Variants in IRF2 observed in about 807,000 individuals in gnomAD.
IRF2 encodes interferon regulatory factor 2.
IRF2 carries 15 observed loss-of-function variants against 40.6 expected under a neutral mutation model. That is an observed-to-expected ratio of 0.37 (90% confidence interval 0.25 to 0.57). The LOEUF (loss-of-function observed/expected upper bound fraction) is 0.57. Ranked by LOEUF, IRF2 falls within the 20% of genes least tolerant of loss-of-function variation. IRF2 has a pLI of 0.77. For synonymous variants in IRF2, 151 were observed against 165.5 expected, an observed-to-expected ratio of 0.91 and a Z score of 0.67; for missense variants, 317 against 455.7, an observed-to-expected ratio of 0.70 and a Z score of 2.77.
intron 1 of IRF2, among the ~76,000 whole-genome samples, chr4:184,445,217 G>C (rs1738462036): frequency 1.3e-5 from 2 of 152,216 alleles, no homozygotes; most frequent in African/African-American, 4.8e-5. Flanking sequence ...CCCAACCCCG[G>C]GTTGGCACAG....
intron 1 of IRF2, among the ~76,000 whole-genome samples, chr4:184,440,404 C>T (rs759279796): frequency 1.3e-5 from 2 of 152,214 alleles, no homozygotes; most frequent in Non-Finnish European, 2.9e-5. Flanking sequence ...ACTACGTAGG[C>T]TTATATATTA....
At chr4:184,437,868 G>A (rs2553537) in intron 1 of IRF2, among the ~76,000 whole-genome samples, 7,099 of 151,000 alleles carry the variant, frequency 0.047, 568 homozygotes, top group African/African-American at 0.16. Context: ...ACGATGACAC[G>A]CGTATAGGAA....
rs947091775 is a variant in IRF2 at position 184,397,686 on chromosome 4, G to A, written c.694+1229C>T. On this transcript the variant is annotated intron_variant, in intron 7 of 8. Transcript: ENST00000393593. ...ACTGGAGGACATCCCATTTGGCAGC[G>A]TGTAAAGAGCACAGGGAAGAATCCC... 2.6e-5 allele frequency among the ~76,000 whole-genome samples: 4 copies of A among 152,318 alleles called. No individual in the cohort carries two copies. The South Asian group carries it at 6.2e-4, about 24-fold the overall frequency.
intron 2 of IRF2, among the ~76,000 whole-genome samples, chr4:184,425,509 G>A (rs909769366): frequency 2.0e-5 from 3 of 152,232 alleles, no homozygotes; most frequent in Admixed American, 6.5e-5. Flanking sequence ...TGCAGGCCTC[G>A]GCCTCTGTTC....
At chr4:184,434,859 C>T (rs1738021554) in intron 1 of IRF2, among the ~76,000 whole-genome samples, 1 of 152,212 alleles carries the variant, frequency 6.6e-6, no homozygotes, top group African/African-American at 2.4e-5. Context: ...TTACCATTTA[C>T]AGAGCACCTA....
At chr4:184,429,610 C>G (rs901755970) in intron 1 of IRF2, among the ~76,000 whole-genome samples, 2 of 152,218 alleles carry the variant, frequency 1.3e-5, no homozygotes, top group African/African-American at 2.4e-5. Context: ...TTTCCACCAA[C>G]TACCCGTCCC....
intron 1 of IRF2, among the ~76,000 whole-genome samples, chr4:184,458,783 G>A (rs1051485545): frequency 2.0e-5 from 3 of 152,082 alleles, no homozygotes; most frequent in African/African-American, 2.4e-5. Flanking sequence ...AAAAATTTCC[G>A]CAGGACATAA....
intron 1 of IRF2, among the ~76,000 whole-genome samples, chr4:184,458,152 C>T (rs1348950092): frequency 1.3e-5 from 2 of 152,204 alleles, no homozygotes; most frequent in Non-Finnish European, 2.9e-5. Flanking sequence ...TGGTGAGGCA[C>T]GCCCCAGTTT....
intron 5 of IRF2, among the ~76,000 whole-genome samples, chr4:184,410,391 C>T (rs553718018): frequency 6.6e-6 from 1 of 152,332 alleles, no homozygotes; most frequent in South Asian, 2.1e-4. Context: ...ATCCAATGGC[C>T]TTTTCTCAAA....
chr4:184,395,643 C>A (rs7683939), intron 7 of IRF2, among the ~76,000 whole-genome samples: 1 of 152,300 alleles, frequency 6.6e-6, no homozygotes, highest in African/African-American at 2.4e-5. Context: ...ATGTTTTACA[C>A]CACTGTGAGC....
chr4:184,421,997 A>G (rs1324264329), intron 2 of IRF2, among the ~76,000 whole-genome samples: 1 of 152,096 alleles, frequency 6.6e-6, no homozygotes, highest in African/African-American at 2.4e-5. Flanking sequence ...TCTCGTGGTA[A>G]TGAGTAAGCT....
intron 5 of IRF2, among the ~76,000 whole-genome samples, chr4:184,417,891 T>C (rs1172465756): frequency 2.6e-5 from 4 of 152,224 alleles, no homozygotes; most frequent in Non-Finnish European, 4.4e-5. Context: ...TGGCAACGGC[T>C]GTGGTGGCCA....
chr4:184,409,925 C>G (rs1036040379), intron 5 of IRF2, among the ~76,000 whole-genome samples: 1 of 151,976 alleles, frequency 6.6e-6, no homozygotes, highest in African/African-American at 2.4e-5. Flanking sequence ...AAAGTCTGCC[C>G]CTTCTGAAAA....
At chr4:184,420,664 G>A (rs1737451116) in intron 2 of IRF2, among the ~76,000 whole-genome samples, 1 of 152,124 alleles carries the variant, frequency 6.6e-6, no homozygotes, top group Non-Finnish European at 1.5e-5. Context: ...TACAGATGAG[G>A]AACCTGGCCC....
rs916526101 is a variant in IRF2 at position 184,441,726 on chromosome 4, G to A, written c.-6-12656C>T. Among the ~76,000 whole-genome samples, 7 of 152,180 alleles carry A rather than the reference G, an allele frequency of 4.6e-5. No homozygotes were observed. In the South Asian group the frequency reaches 1.4e-3, roughly 31 times the overall value. The stretch of plus-strand genomic sequence containing the variant: ...TAACAATAGCTAAGGAGTATTAAGC[G>A]CTTAGCAGTGTTAGGCAAGTTCTAA... On this transcript the variant is annotated intron_variant, in intron 1 of 8. Transcript: ENST00000393593.
chr4:184,394,276 A>G (rs1736365973), intron 7 of IRF2, among the ~76,000 whole-genome samples: 1 of 152,174 alleles, frequency 6.6e-6, no homozygotes. Flanking sequence ...CTAGGGTGAC[A>G]CTGGTTGTAG....
At chr4:184,433,999 A>C (rs1579083029) in intron 1 of IRF2, among the ~76,000 whole-genome samples, 2 of 152,372 alleles carry the variant, frequency 1.3e-5, no homozygotes, top group Admixed American at 1.3e-4. Context: ...GGAGATTAAA[A>C]GACTGAGATG....
intron 1 of IRF2, among the ~76,000 whole-genome samples, chr4:184,453,728 C>T (rs772715698): frequency 1.3e-5 from 2 of 152,194 alleles, no homozygotes; most frequent in Non-Finnish European, 2.9e-5. Flanking sequence ...ATAACTGAGC[C>T]ATGCTGGCTT....
At chr4:184,419,313 G>GT (rs796602732) in intron 3 of IRF2, among the ~76,000 whole-genome samples, 156 bp downstream of exon 3, 21 of 152,260 alleles carry the variant, frequency 1.4e-4, no homozygotes, top group African/African-American at 5.1e-4. Context: ...GAGGGCTGCA[G>GT]TTTGTACCCC....
Sources: gnomAD v4.1 joint callset for allele counts (sites outside exome capture counted in the v4.1 genomes callset) on GRCh38, gnomAD v4.1.1 for gene constraint, MANE v1.5 for transcripts, NCBI Gene and HGNC (gene_info 2026-07-23, HGNC 2026-07-21) for gene names.